LINGO2: variants seen among roughly 807,000 people sequenced by gnomAD.
LINGO2 encodes the protein leucine rich repeat and Ig domain containing 2.
A neutral mutation model predicts 30.6 loss-of-function variants in LINGO2; 14 were observed. The observed-to-expected ratio is 0.46, with a 90% CI of 0.30 to 0.72. The LOEUF (loss-of-function observed/expected upper bound fraction) is 0.72. Among genes scored for constraint, LINGO2 ranks in the 30% least tolerant of loss-of-function variants. The pLI, the probability that LINGO2 is intolerant of heterozygous loss-of-function variation, is 0.07. For missense variants in LINGO2, 729 were observed against 751.7 expected (o/e 0.97, Z 0.35); for synonymous variants, 317 against 288.5 (o/e 1.10, Z -1.00).
At chr9:28,357,862 T>C (rs1180254735) in intron 3 of LINGO2, among the ~76,000 whole-genome samples, 2 of 152,220 alleles carry the variant, frequency 1.3e-5, no homozygotes, top group South Asian at 2.1e-4. Context: ...TAGCACCTAG[T>C]AGGGAATCAA....
At chr9:28,786,324 G>A in the LINGO2 span, among the ~76,000 whole-genome samples, 1 of 152,096 alleles carries the variant, frequency 6.6e-6, no homozygotes, top group South Asian at 2.1e-4. Flanking sequence ...GAGGCATATG[G>A]GAGGTGGGGA....
intron 2 of LINGO2, among the ~76,000 whole-genome samples, chr9:28,459,599 T>A (rs1415232378): frequency 6.6e-6 from 1 of 151,978 alleles, no homozygotes; most frequent in Non-Finnish European, 1.5e-5. Flanking sequence ...GGATCTAGGG[T>A]CCCATGTAGA....
chr9:28,604,382 G>A (rs1825617097), intron 1 of LINGO2, among the ~76,000 whole-genome samples: 1 of 152,022 alleles, frequency 6.6e-6, no homozygotes, highest in Admixed American at 6.6e-5. Context: ...TTGCTCATAT[G>A]AGCCCTTGTT....
intron 4 of LINGO2, among the ~76,000 whole-genome samples, chr9:28,090,594 C>A (rs1222009379): frequency 1.3e-5 from 2 of 152,030 alleles, no homozygotes; most frequent in Non-Finnish European, 2.9e-5. Context: ...TATGACAAAC[C>A]CACAGTCAAT....
At chr9:29,163,431 A>G in the LINGO2 span, among the ~76,000 whole-genome samples, 2 of 152,200 alleles carry the variant, frequency 1.3e-5, no homozygotes, top group East Asian at 1.9e-4. Context: ...TTGTTGATAT[A>G]GAAAAACAAT....
At chr9:28,123,380 T>C (rs1827151957) in intron 4 of LINGO2, among the ~76,000 whole-genome samples, 1 of 152,158 alleles carries the variant, frequency 6.6e-6, no homozygotes, top group African/African-American at 2.4e-5. Flanking sequence ...CAGCACTGAG[T>C]CTATTCATCT....
chr9:28,628,833 A>T (rs917301459), intron 1 of LINGO2, among the ~76,000 whole-genome samples: 4 of 152,104 alleles, frequency 2.6e-5, no homozygotes, highest in Non-Finnish European at 5.9e-5. Flanking sequence ...ATTTTGTACT[A>T]ATAGCTGAAA....
At chr9:28,370,965 A>G (rs1017046698) in intron 3 of LINGO2, among the ~76,000 whole-genome samples, 1 of 152,232 alleles carries the variant, frequency 6.6e-6, no homozygotes, top group Admixed American at 6.5e-5. Flanking sequence ...GGGCATGAGT[A>G]TACCTACAGT....
chr9:29,007,433 G>A, the LINGO2 span, among the ~76,000 whole-genome samples: 394 of 152,146 alleles, frequency 2.6e-3, no homozygotes, highest in Non-Finnish European at 4.4e-3. Context: ...GATAGCAAAT[G>A]TATTTATAAT....
intron 4 of LINGO2, among the ~76,000 whole-genome samples, chr9:28,117,548 C>G (rs1286259470): frequency 1.2e-5 from 1 of 81,070 alleles, no homozygotes; most frequent in East Asian, 3.0e-4. Flanking sequence ...GACTGCTGTG[C>G]TAGCAACCAG....
chr9:28,907,706 C>T, the LINGO2 span, among the ~76,000 whole-genome samples: 1 of 151,620 alleles, frequency 6.6e-6, no homozygotes, highest in Non-Finnish European at 1.5e-5. Context: ...AGGGGCCAGA[C>T]TTAATGACAA....
chr9:28,046,113 C>A (rs1056669228), intron 4 of LINGO2, among the ~76,000 whole-genome samples: 2 of 152,148 alleles, frequency 1.3e-5, no homozygotes, highest in African/African-American at 4.8e-5. Flanking sequence ...TTTCATAGTT[C>A]ACATTATGAA....
At chr9:28,505,297 C>T (rs1184896665) in intron 1 of LINGO2, among the ~76,000 whole-genome samples, 2 of 151,708 alleles carry the variant, frequency 1.3e-5, no homozygotes, top group Non-Finnish European at 2.9e-5. Context: ...CAGGTGGGGC[C>T]AAAGGTAAAA....
At chr9:28,488,605 A>T (rs1399082476) in intron 1 of LINGO2, among the ~76,000 whole-genome samples, 1 of 152,194 alleles carries the variant, frequency 6.6e-6, no homozygotes, top group Non-Finnish European at 1.5e-5. Flanking sequence ...AAATAAGAAA[A>T]CAACAGCACA....
intron 4 of LINGO2, among the ~76,000 whole-genome samples, chr9:28,198,327 T>G (rs1820092341): frequency 6.6e-6 from 1 of 152,016 alleles, no homozygotes; most frequent in African/African-American, 2.4e-5. Context: ...TGTATAAATG[T>G]GCATGGACCT....
chr9:27,980,651 T>C (rs1457015281), intron 5 of LINGO2, among the ~76,000 whole-genome samples: 1 of 151,926 alleles, frequency 6.6e-6, no homozygotes, highest in East Asian at 1.9e-4. Flanking sequence ...CATTTGTTGG[T>C]ATGCTGTTCA....
chr9:28,692,262 G>C, the LINGO2 span, among the ~76,000 whole-genome samples: 39 of 151,942 alleles, frequency 2.6e-4, no homozygotes, highest in African/African-American at 8.7e-4. Context: ...ATCACCTGAG[G>C]TCACGAGCTT....
the LINGO2 span, among the ~76,000 whole-genome samples, chr9:29,174,027 G>A: frequency 2.0e-5 from 3 of 151,480 alleles, no homozygotes; most frequent in African/African-American, 7.3e-5. Flanking sequence ...TTACCATGTT[G>A]TTTATAAAAA....
At chr9:28,390,013 TA>T (rs978398349) in intron 2 of LINGO2, among the ~76,000 whole-genome samples, 9 of 152,294 alleles carry the variant, frequency 5.9e-5, no homozygotes, top group Admixed American at 4.6e-4. Context: ...AAAGAGCCAT[TA>T]CACCAATAAT....
Sources: allele counts gnomAD v4.1 joint callset (sites outside exome capture counted in the v4.1 genomes callset), GRCh38; gene constraint gnomAD v4.1.1; transcripts MANE v1.5; gene names NCBI Gene and HGNC (gene_info 2026-07-23, HGNC 2026-07-21).